The following LRP1B variants were observed in gnomAD, a reference collection of about 807,000 sequenced individuals.
LRP1B encodes low-density lipoprotein receptor-related protein 1B.
LRP1B carries 217 observed loss-of-function variants against 556.6 expected under a neutral mutation model. That is an observed-to-expected ratio of 0.39 (90% CI 0.35 to 0.44). LRP1B has a LOEUF of 0.44. LRP1B is among the 20% of genes least tolerant of loss of function. LRP1B has a pLI of 1.00. For synonymous variants in LRP1B, 2,047 were observed against 1,865.8 expected (o/e 1.10, Z -2.50); for missense variants, 5,053 against 5,620.8 (o/e 0.90, Z 3.23).
chr2:141,127,311 C>A (rs1401843275), intron 7 of LRP1B, among the ~76,000 whole-genome samples: 1 of 152,072 alleles, frequency 6.6e-6, no homozygotes, highest in African/African-American at 2.4e-5. Flanking sequence ...TTAGTCCAAC[C>A]ATTATGGAAG....
chr2:141,849,997 G>T (rs10176459), intron 1 of LRP1B, among the ~76,000 whole-genome samples: 23,693 of 151,594 alleles, frequency 0.16, 1,947 homozygotes, highest in Non-Finnish European at 0.18. Flanking sequence ...CATCTCCAAA[G>T]TTGAATCAGG....
Position 141,131,176 on chromosome 2 carries a change from T to C in LRP1B, c.1013+57245A>G, listed in dbSNP as rs867507047. Among the ~76,000 whole-genome samples, 8 of 141,598 alleles carry C rather than the reference T, an allele frequency of 5.6e-5. 1 individual carries two copies. In the South Asian group the frequency reaches 1.2e-3, roughly 22 times the overall value. 92.9% of individuals were successfully genotyped at this position (141,598 alleles called of 152,430 possible). A position where few individuals can be genotyped will look rare whatever the true frequency, so the allele number is the denominator to read the frequency against. The stretch of plus-strand genomic sequence containing the variant: ...AATAATAGTACAGATAGTCTCCACT[T>C]ACAGTGGTGTAACCTATTTTTCCAT... On this transcript the variant is annotated intron_variant, in intron 7 of 90. Coordinates refer to ENST00000389484, the MANE Select transcript of LRP1B (RefSeq NM_018557.3).
rs542204928 is a variant in LRP1B at position 140,918,694 on chromosome 2, T to G, written c.3319+4271A>C. On this transcript the variant is annotated intron_variant, in intron 21 of 90. Transcript: ENST00000389484. ...GTTTGTGTCCAGACCAAATTCATGTTGAAATCCTAATCCCCAGTGTGATGG... is the reference window on the plus strand; with the variant it reads ...GTTTGTGTCCAGACCAAATTCATGTGGAAATCCTAATCCCCAGTGTGATGG... Among the ~76,000 whole-genome samples the G allele has an allele frequency of 5.9e-5, 9 of 152,226 alleles. No individual in the cohort carries two copies. In the South Asian group the frequency reaches 1.7e-3, roughly 28 times the overall value.
chr2:141,180,157 T>C (rs558252709), intron 7 of LRP1B, among the ~76,000 whole-genome samples: 119 of 151,804 alleles, frequency 7.8e-4, no homozygotes, highest in African/African-American at 2.8e-3. Context: ...ATGTTCTGGG[T>C]TCTTTGTAAA....
At chr2:140,359,197 C>T (rs1362553985) in intron 72 of LRP1B, among the ~76,000 whole-genome samples, 1 of 151,550 alleles carries the variant, frequency 6.6e-6, no homozygotes, top group African/African-American at 2.4e-5. Flanking sequence ...GGTCTCATTC[C>T]CAGATGCCTT....
At chr2:141,358,242 A>G (rs912078082) in intron 3 of LRP1B, among the ~76,000 whole-genome samples, 1 of 152,226 alleles carries the variant, frequency 6.6e-6, no homozygotes, top group Non-Finnish European at 1.5e-5. Flanking sequence ...TGAAATCACA[A>G]TCAGGAAAGG....
intron 14 of LRP1B, among the ~76,000 whole-genome samples, chr2:141,009,930 T>C (rs1334251021): frequency 1.3e-5 from 2 of 152,056 alleles, no homozygotes; most frequent in African/African-American, 4.8e-5. Context: ...ATCTTAGTTT[T>C]ATCCCTGGCT....
intron 1 of LRP1B, among the ~76,000 whole-genome samples, chr2:141,890,238 C>T (rs1699241283): frequency 1.3e-5 from 2 of 150,416 alleles, no homozygotes; most frequent in Non-Finnish European, 1.5e-5. Flanking sequence ...TCTGCAAGCT[C>T]CCAGTTATCA....
At chr2:141,878,979 G>C (rs928979860) in intron 1 of LRP1B, among the ~76,000 whole-genome samples, 2 of 151,778 alleles carry the variant, frequency 1.3e-5, no homozygotes, top group Non-Finnish European at 2.9e-5. Flanking sequence ...CTATTTTTGA[G>C]AGGGGAATAT....
intron 2 of LRP1B, among the ~76,000 whole-genome samples, chr2:141,754,613 C>T (rs1694253142): frequency 6.6e-6 from 1 of 152,118 alleles, no homozygotes; most frequent in Non-Finnish European, 1.5e-5. Flanking sequence ...AAACATATTC[C>T]TGTTGACGCA....
intron 1 of LRP1B, among the ~76,000 whole-genome samples, chr2:141,832,318 CTT>C (rs1407817088): frequency 1.8e-4 from 15 of 81,492 alleles, no homozygotes; most frequent in Admixed American, 1.4e-3. Flanking sequence ...TATCCTATCT[CTT>C]TCTCTCTCAC....
chr2:140,598,336 A>G (rs1682522499), intron 43 of LRP1B, among the ~76,000 whole-genome samples: 1 of 152,206 alleles, frequency 6.6e-6, no homozygotes, highest in Admixed American at 6.5e-5. Flanking sequence ...GCATATGCAA[A>G]TCACTCTAAC....
At chr2:141,535,291 A>G (rs1378910362) in intron 2 of LRP1B, among the ~76,000 whole-genome samples, 4 of 152,136 alleles carry the variant, frequency 2.6e-5, no homozygotes, top group African/African-American at 9.7e-5. Flanking sequence ...GCTGCGGAAT[A>G]CTTCCCTTTC....
chr2:141,179,365 C>T (rs995877710), intron 7 of LRP1B, among the ~76,000 whole-genome samples: 1 of 151,986 alleles, frequency 6.6e-6, no homozygotes, highest in Non-Finnish European at 1.5e-5. Context: ...TTTTTAATCT[C>T]ATTTTATTCC....
At chr2:141,713,997 G>A (rs1450469475) in intron 2 of LRP1B, among the ~76,000 whole-genome samples, 1 of 151,938 alleles carries the variant, frequency 6.6e-6, no homozygotes, top group Non-Finnish European at 1.5e-5. Context: ...ACACTGAGCA[G>A]TGATACTTAT....
chr2:141,091,172 G>T (rs115299844), intron 7 of LRP1B, among the ~76,000 whole-genome samples: 1,571 of 152,148 alleles, frequency 0.01, 24 homozygotes, highest in African/African-American at 0.035. Context: ...CAGATAAAGA[G>T]AGAGAGAGAG....
At chr2:141,657,132 A>C (rs533944960) in intron 2 of LRP1B, among the ~76,000 whole-genome samples, 1 of 152,216 alleles carries the variant, frequency 6.6e-6, no homozygotes, top group South Asian at 2.1e-4. Context: ...TGAGACCCAA[A>C]ATTATTATGT....
At chr2:141,022,348 G>A (rs961145310) in intron 11 of LRP1B, among the ~76,000 whole-genome samples, 3 of 151,676 alleles carry the variant, frequency 2.0e-5, no homozygotes, top group African/African-American at 4.8e-5. Flanking sequence ...ATAAGAAAAT[G>A]TATAAAAAGA....
intron 43 of LRP1B, among the ~76,000 whole-genome samples, chr2:140,580,624 A>G (rs1423871570): frequency 2.6e-5 from 4 of 152,150 alleles, no homozygotes; most frequent in Non-Finnish European, 5.9e-5. Flanking sequence ...ATAATAGCTC[A>G]GAGAAAGAAT....
Sources: allele counts gnomAD v4.1 joint callset (sites outside exome capture counted in the v4.1 genomes callset), GRCh38; gene constraint gnomAD v4.1.1; transcripts MANE v1.5; gene names NCBI Gene and HGNC (gene_info 2026-07-23, HGNC 2026-07-21).